Variants in IFT56 observed in about 807,000 individuals in gnomAD.
The protein encoded by IFT56 is intraflagellar transport 56, also known as intraflagellar transport protein 56.
chr7:139,143,858 A>C, the IFT56 span, among the ~76,000 whole-genome samples: 12 of 152,184 alleles, frequency 7.9e-5, no homozygotes, highest in African/African-American at 2.9e-4. Context: ...ATATTATTTT[A>C]GCAGTTACCA....
chr7:139,158,132 G>A, the IFT56 span, among the ~76,000 whole-genome samples: 1 of 151,870 alleles, frequency 6.6e-6, no homozygotes, highest in Non-Finnish European at 1.5e-5. Flanking sequence ...TGGCCAACAT[G>A]GTGAAATCCC....
the IFT56 span, chr7:139,191,335 A>G: frequency 6.6e-6 from 1 of 152,178 alleles, no homozygotes; most frequent in Non-Finnish European, 1.5e-5. Context: ...TCTGGGTAGA[A>G]CCTGCTATAA....
At chr7:139,172,831 C>A in the IFT56 span, 1 of 664,838 alleles carries the variant, frequency 1.5e-6, no homozygotes, top group Non-Finnish European at 2.9e-6. Flanking sequence ...CCCTTCAAAG[C>A]CAGCGAACAC....
chr7:139,140,775 CA>C, the IFT56 span, among the ~76,000 whole-genome samples: 8 of 74,892 alleles, frequency 1.1e-4, no homozygotes, highest in African/African-American at 3.6e-4. Context: ...AACTCCACCT[CA>C]AAAAAAAAAA....
At chr7:139,174,116 G>C in the IFT56 span, 1 of 595,406 alleles carries the variant, frequency 1.7e-6, no homozygotes, top group African/African-American at 1.9e-5. Flanking sequence ...CTTGCCAATT[G>C]ATGCTGTAAT....
At chr7:139,151,287 T>G in the IFT56 span, among the ~76,000 whole-genome samples, 293 of 152,196 alleles carry the variant, frequency 1.9e-3, no homozygotes, top group African/African-American at 6.8e-3. Flanking sequence ...CAACTCAGAC[T>G]GGGAATTCTC....
the IFT56 span, among the ~76,000 whole-genome samples, chr7:139,166,452 T>C: frequency 6.6e-6 from 1 of 152,106 alleles, no homozygotes; most frequent in Middle Eastern, 3.4e-3. Flanking sequence ...TCATCACCTC[T>C]TTTTTGTTCC....
chr7:139,163,808 TTA>T, the IFT56 span, among the ~76,000 whole-genome samples: 1 of 152,126 alleles, frequency 6.6e-6, no homozygotes. Context: ...GGTGAATGAA[TTA>T]ATCTCGGCAA....
chr7:139,187,329 C>T, the IFT56 span: 1 of 1,546,778 alleles, frequency 6.5e-7, no homozygotes, highest in Admixed American at 1.8e-5. Flanking sequence ...AGTCCCGTTT[C>T]ATGTTATCTT....
At chr7:139,176,819 TAAAC>T in the IFT56 span, among the ~76,000 whole-genome samples, 1 of 152,150 alleles carries the variant, frequency 6.6e-6, no homozygotes, top group Non-Finnish European at 1.5e-5. Flanking sequence ...GATACAGCAG[TAAAC>T]AAACAAAACT....
At chr7:139,150,852 A>C in the IFT56 span, among the ~76,000 whole-genome samples, 5 of 152,216 alleles carry the variant, frequency 3.3e-5, no homozygotes, top group African/African-American at 1.2e-4. Flanking sequence ...AACAAGTGGC[A>C]AATGCAGATC....
the IFT56 span, among the ~76,000 whole-genome samples, chr7:139,165,529 C>T: frequency 6.6e-6 from 1 of 152,004 alleles, no homozygotes. Context: ...CCTTCCCTTA[C>T]AGTTCTTTTT....
chr7:139,170,980 C>T, the IFT56 span, among the ~76,000 whole-genome samples: 1 of 152,170 alleles, frequency 6.6e-6, no homozygotes, highest in Non-Finnish European at 1.5e-5. Context: ...ACTATTAGAA[C>T]TCATAAGCAA....
chr7:139,154,322 A>T, the IFT56 span, among the ~76,000 whole-genome samples: 1 of 149,426 alleles, frequency 6.7e-6, no homozygotes, highest in African/African-American at 2.5e-5. Context: ...GAAGCACGAA[A>T]GTTTTTAATT....
the IFT56 span, among the ~76,000 whole-genome samples, chr7:139,184,883 T>C: frequency 6.6e-6 from 1 of 151,494 alleles, no homozygotes; most frequent in East Asian, 1.9e-4. Context: ...TGAAACCCCG[T>C]CTCTACTAAA....
the IFT56 span, among the ~76,000 whole-genome samples, chr7:139,166,361 G>T: frequency 1.8e-4 from 27 of 152,108 alleles, 1 homozygote; most frequent in African/African-American, 5.5e-4. Flanking sequence ...TTCAAACATA[G>T]ACAAAAATAA....
the IFT56 span, chr7:139,178,131 A>T: frequency 1.0e-6 from 1 of 995,362 alleles, no homozygotes; most frequent in Non-Finnish European, 1.5e-6. Flanking sequence ...TCCTGTCTTT[A>T]AATTATTAAA....
At chr7:139,184,781 G>C in the IFT56 span, among the ~76,000 whole-genome samples, 1 of 152,164 alleles carries the variant, frequency 6.6e-6, no homozygotes, top group African/African-American at 2.4e-5. Context: ...CAGGCCGGGC[G>C]TGGTGGCTGA....
the IFT56 span, chr7:139,167,043 G>A: frequency 2.0e-6 from 1 of 495,146 alleles, no homozygotes; most frequent in Admixed American, 3.0e-5. Flanking sequence ...ATTCAGGAAT[G>A]TTATATGCGA....
Sources: allele counts gnomAD v4.1 joint callset (sites outside exome capture counted in the v4.1 genomes callset), GRCh38; gene constraint gnomAD v4.1.1; transcripts MANE v1.5; gene names NCBI Gene and HGNC (gene_info 2026-07-23, HGNC 2026-07-21).